MYRF: variants seen among roughly 807,000 people sequenced by gnomAD.
The protein encoded by MYRF is myelin gene regulatory factor.
A neutral mutation model predicts 126.3 loss-of-function variants in MYRF; 16 were observed. That is an observed-to-expected ratio of 0.13 (90% CI 0.09 to 0.19). The LOEUF (loss-of-function observed/expected upper bound fraction) is 0.19, where lower values mean the gene tolerates loss of function less well. Among genes scored for constraint, MYRF ranks in the 10% least tolerant of loss-of-function variants. MYRF has a pLI of 1.00. For synonymous variants in MYRF, 608 were observed against 635.3 expected (o/e 0.96, Z 0.65); for missense variants, 1,104 against 1,547.0 (o/e 0.71, Z 4.80).
At chr11:61,765,767 C>A (rs2066039101) in intron 2 of MYRF, 55 bp downstream of exon 2, 2 of 1,544,172 alleles carry the variant, frequency 1.3e-6, no homozygotes, top group East Asian at 2.4e-5. Context: ...CTTCGCCTCC[C>A]TTCTGTCACC....
chr11:61,785,714 C>T lies in MYRF; in HGVS notation c.3301-86C>T, dbSNP rs2066676463. ...TTTCCTTCATAAAACTCCCCACAGA[C>T]CCCAGGACTGCGACGGCCGTGGTGA... On this transcript the variant is annotated intron_variant, in intron 25 of 26. Transcript: ENST00000278836. The T allele has an allele frequency of 8.1e-6, 9 of 1,117,914 alleles. No individual in the cohort carries two copies. In the South Asian group the frequency reaches 1.0e-4, roughly 13 times the overall value. The allele number at this position is 1,117,914 out of a possible 1,614,324, so 69.2% of individuals were successfully genotyped here.
chr11:61,786,199 A>G lies in MYRF; in HGVS notation c.*56A>G. ...GACCAGGGGTGCCCAGGCACCCCCC[A>G]ACACTGGATGCAATGGTGTTACACT... On this transcript the variant is annotated 3_prime_UTR_variant, in exon 27 of 27. Transcript: ENST00000278836. This position sits in a 1 kb window ranked among gnomAD's most constrained non-coding sequence, Gnocchi z 4.5. 6.6e-7 allele frequency: 1 copy of G among 1,509,294 alleles called. No individual in the cohort carries two copies. Among genetic ancestry groups the G allele is most frequent in the East Asian group, 2.3e-5 (1 of 44,242 alleles). 93.5% of individuals were successfully genotyped at this position (1,509,294 alleles called of 1,614,324 possible).
chr11:61,777,535 G>T lies in MYRF; in HGVS notation c.1791+71G>T. The T allele has an allele frequency of 6.7e-7, 1 of 1,500,886 alleles. No individual in the cohort carries two copies. The highest frequency in any genetic ancestry group is 9.0e-7 in the Non-Finnish European group (1 of 1,109,392). 93.0% of individuals were successfully genotyped at this position (1,500,886 alleles called of 1,614,324 possible). On this transcript the variant is annotated intron_variant, in intron 12 of 26. Transcript: ENST00000278836. This position sits in a 1 kb window ranked among gnomAD's most constrained non-coding sequence, Gnocchi z 8.8. ...GGGCCGCGGGGGCGGGGCTCCTGGG[G>T]AGGGGGCGTGACTACGCGGAAAGGC...
chr11:61,781,506 C>T, intron 21 of MYRF, 67 bp from the exon 22 acceptor site: 1 of 1,571,656 alleles, frequency 6.4e-7, no homozygotes, highest in Non-Finnish European at 8.6e-7. Context: ...TTGTGGGGCC[C>T]TAGAGACAGC....
rs768893594 is a variant in MYRF at position 61,777,174 on chromosome 11, A to G, written c.1591-90A>G. The G allele has an allele frequency of 6.7e-6, 9 of 1,343,968 alleles. No individual in the cohort carries two copies. The highest frequency in any genetic ancestry group is 2.5e-5 in the South Asian group (2 of 79,370). The allele number at this position is 1,343,968 out of a possible 1,614,324, so 83.3% of individuals were successfully genotyped here. A position where few individuals can be genotyped will look rare whatever the true frequency, so the allele number is the denominator to read the frequency against. The stretch of plus-strand genomic sequence containing the variant: ...AGTGAGAAACCCTGGCTGGAAGGGG[A>G]GGGGCTGCTGTGGAGTTTCCCCCTG... On this transcript the variant is annotated intron_variant, in intron 11 of 26. Coordinates refer to ENST00000278836, the MANE Select transcript of MYRF (RefSeq NM_001127392.3). This position sits in a 1 kb window ranked among gnomAD's most constrained non-coding sequence, Gnocchi z 8.8.
At chr11:61,760,425 C>G (rs908536779) in intron 1 of MYRF, among the ~76,000 whole-genome samples, 6 of 152,086 alleles carry the variant, frequency 3.9e-5, no homozygotes, top group Non-Finnish European at 8.8e-5. Flanking sequence ...GGGAGGCAGT[C>G]GCAGAAGGCT....
Position 61,777,593 on chromosome 11 carries a change from G to A in MYRF, c.1791+129G>A. 7.4e-7 allele frequency: 1 copy of A among 1,355,754 alleles called. No homozygotes were observed. Among genetic ancestry groups the A allele is most frequent in the South Asian group, 1.4e-5 (1 of 73,004 alleles). 84.0% of individuals were successfully genotyped at this position (1,355,754 alleles called of 1,614,324 possible). ...CGGGGGAAGGAAGGGAGGGAGGCTG[G>A]CCTCGAATCCCGATCTAACCACTCC... On this transcript the variant is annotated intron_variant, in intron 12 of 26. Coordinates refer to ENST00000278836, the MANE Select transcript of MYRF (RefSeq NM_001127392.3). The surrounding 1 kb of genome is among the most constrained non-coding windows in gnomAD (Gnocchi z 8.8).
rs1227314924 is a variant in MYRF at position 61,779,266 on chromosome 11, C to T, written c.2017C>T (p.Arg673Cys). 6.5e-6 allele frequency: 10 copies of T among 1,541,410 alleles called. No individual in the cohort carries two copies. Among genetic ancestry groups the T allele is most frequent in the Non-Finnish European group, 7.9e-6 (9 of 1,146,440 alleles). Reference protein sequence around the residue: ...IENFLVVNKERIFMENVGAVK... With the variant: ...IENFLVVNKECIFMENVGAVK... ...CATGGCCCATGGCCCATGGCAGGAG[C>T]GCATCTTCATGGAGAACGTAGGGGC... The change falls in exon 15 of 27, where the codon CGC (arginine) becomes TGC (cysteine). Residue 673 changes from arginine (R) to cysteine (C), a missense_variant. Transcript: ENST00000278836.
At position 61,764,275 on chromosome 11, in the gene MYRF, G is replaced by A. The variant is rs547696466; in HGVS notation, c.47-1350G>A. 1.1e-3 allele frequency among the ~76,000 whole-genome samples: 169 copies of A among 152,304 alleles called. 1 individual carries two copies. Among genetic ancestry groups the A allele is most frequent in the African/African-American group, 3.7e-3 (153 of 41,562 alleles). On this transcript the variant is annotated intron_variant, in intron 1 of 26. Transcript: ENST00000278836. ...GGAGGGGCCTGGGCGGGGGGCTCCC[G>A]GGGACCCCAGGGCTCTGGGGCTGGG...
rs776858843 is a variant in MYRF at position 61,783,464 on chromosome 11, G to A, written c.3017-34G>A. The A allele has an allele frequency of 6.5e-7, 1 of 1,544,008 alleles. No individual in the cohort carries two copies. Among genetic ancestry groups the A allele is most frequent in the East Asian group, 2.3e-5 (1 of 44,354 alleles). On this transcript the variant is annotated intron_variant, in intron 22 of 26. Coordinates refer to ENST00000278836, the MANE Select transcript of MYRF (RefSeq NM_001127392.3). The surrounding 1 kb of genome is among the most constrained non-coding windows in gnomAD (Gnocchi z 4.6). ...AAAGACTTGCCAGCTTCTCATTTGTGTCCTGCCTTGTCACCTTACTCCTGC... is the reference window on the plus strand; with the variant it reads ...AAAGACTTGCCAGCTTCTCATTTGTATCCTGCCTTGTCACCTTACTCCTGC...
In MYRF at chr11:61,776,515, A is replaced by G. The variant is rs1417750043; in HGVS notation, c.1499+83A>G. 8.6e-7 allele frequency: 1 copy of G among 1,163,660 alleles called. No individual in the cohort carries two copies. The highest frequency in any genetic ancestry group is 2.0e-5 in the Admixed American group (1 of 48,822). The allele number at this position is 1,163,660 out of a possible 1,614,324, so 72.1% of individuals were successfully genotyped here. On this transcript the variant is annotated intron_variant, in intron 10 of 26. Transcript: ENST00000278836. This position sits in a 1 kb window ranked among gnomAD's most constrained non-coding sequence, Gnocchi z 4.3. Reference sequence around the variant, plus strand: ...GCCCTGGGTGGCACACCAGGCACAGAGTCCTACAGGCTGAGCCATTTCACA... The same window carrying G: ...GCCCTGGGTGGCACACCAGGCACAGGGTCCTACAGGCTGAGCCATTTCACA...
chr11:61,783,672 G>T lies in MYRF; in HGVS notation c.3119+72G>T. The T allele has an allele frequency of 6.8e-7, 1 of 1,475,710 alleles. No individual in the cohort carries two copies. Among genetic ancestry groups the T allele is most frequent in the Non-Finnish European group, 9.4e-7 (1 of 1,065,584 alleles). 91.4% of individuals were successfully genotyped at this position (1,475,710 alleles called of 1,614,324 possible). A position where few individuals can be genotyped will look rare whatever the true frequency, so the allele number is the denominator to read the frequency against. On this transcript the variant is annotated intron_variant, in intron 23 of 26. Coordinates refer to ENST00000278836, the MANE Select transcript of MYRF (RefSeq NM_001127392.3). The surrounding 1 kb of genome is among the most constrained non-coding windows in gnomAD (Gnocchi z 4.6). ...TGAGCCCAGGTGGTACAGATCACCC[G>T]GAACTTGCCCTTTCAGGGAGGAGCC... is the stretch of plus-strand genomic sequence containing the variant.
chr11:61,755,894 G>A (rs1016946286), intron 1 of MYRF, among the ~76,000 whole-genome samples: 9 of 152,190 alleles, frequency 5.9e-5, no homozygotes, highest in Admixed American at 1.3e-4. Flanking sequence ...GAGTTTAGTG[G>A]GCCTCTGCCC....
intron 16 of MYRF, 105 bp downstream of exon 16, chr11:61,779,675 C>A: frequency 8.1e-7 from 1 of 1,241,226 alleles, no homozygotes; most frequent in African/African-American, 1.5e-5. Flanking sequence ...GTGCTTCCCT[C>A]TCCTTGTGAC....
chr11:61,775,878 G>A (rs2066366517), intron 8 of MYRF, among the ~76,000 whole-genome samples, 178 bp from the exon 9 acceptor site: 2 of 151,848 alleles, frequency 1.3e-5, no homozygotes, highest in Admixed American at 1.3e-4. Context: ...GAAGTAGGGT[G>A]TGGGGGGGTG....
rs1253573812 is a variant in MYRF at position 61,781,710 on chromosome 11, G to C, written c.2902G>C (p.Gly968Arg). The C allele has an allele frequency of 1.1e-5, 17 of 1,613,456 alleles. No individual in the cohort carries two copies. Among genetic ancestry groups the C allele is most frequent in the Non-Finnish European group, 1.4e-5 (17 of 1,180,010 alleles). Residue 968 changes from glycine (G) to arginine (R), a missense_variant, in exon 22 of 27, where the codon GGG becomes CGG. Gly to Arg is a moderately radical substitution (Grantham distance 125). This residue lies in a region of MYRF where 323 missense variants were observed against 383.1 expected (regional missense o/e 0.84). Transcript: ENST00000278836. The stretch of plus-strand genomic sequence containing the variant: ...CAGCCCTGCAGTCCCCTTCCCTGGG[G>C]GGCAGGGCAAAGCCAAGAACAGTCC... ...LASPAVPFPG[G>R]QGKAKNSPSL...
chr11:61,770,445 G>A lies in MYRF; in HGVS notation c.660G>A (p.Gly220=), dbSNP rs758760448. The stretch of plus-strand genomic sequence containing the variant: ...CGATCCCCCACTACGCTGCCATGGG[G>A]CAGGGGCTGGTGCCCACTGATCTTC... ...EPPIPHYAAM[G]QGLVPTDLHH... Residue 220 remains glycine, a synonymous_variant, in exon 5 of 27, where the codon GGG becomes GGA. Coordinates refer to ENST00000278836, the MANE Select transcript of MYRF (RefSeq NM_001127392.3). The A allele has an allele frequency of 1.9e-6, 3 of 1,560,092 alleles. No homozygotes were observed. Among genetic ancestry groups the A allele is most frequent in the South Asian group, 2.4e-5 (2 of 84,634 alleles).
Position 61,783,280 on chromosome 11 carries a change from C to A in MYRF, c.3017-218C>A, listed in dbSNP as rs1421855920. 6 of 446,112 alleles carry A rather than the reference C, an allele frequency of 1.3e-5. No homozygotes were observed. Among genetic ancestry groups the A allele is most frequent in the African/African-American group, 1.2e-4 (6 of 50,998 alleles). The allele number at this position is 446,112 out of a possible 1,614,324, so 27.6% of individuals were successfully genotyped here. Reference sequence around the variant, plus strand: ...ATCCCTACTTCTGGGTGTTCCAGTTCTTTTGAGGAGGCAGACGTCAGGCTC... The same window carrying A: ...ATCCCTACTTCTGGGTGTTCCAGTTATTTTGAGGAGGCAGACGTCAGGCTC... On this transcript the variant is annotated intron_variant, in intron 22 of 26. Transcript: ENST00000278836. The surrounding 1 kb of genome is among the most constrained non-coding windows in gnomAD (Gnocchi z 4.6).
rs1162309498 is a variant in MYRF, at chr11:61,779,323, C to A, written c.2074C>A (p.Leu692Met). 6.4e-7 allele frequency: 1 copy of A among 1,550,768 alleles called. No individual in the cohort carries two copies. Among genetic ancestry groups the A allele is most frequent in the Non-Finnish European group, 8.7e-7 (1 of 1,146,918 alleles). Reference sequence around the variant, plus strand: ...GGAGCTGTGCAAGCTGACAGACAACCTGGAGACGCGCATTGATGAGCTGGA... The same window carrying A: ...GGAGCTGTGCAAGCTGACAGACAACATGGAGACGCGCATTGATGAGCTGGA... ...VKELCKLTDN[L>M]ETRIDELERW... Residue 692 changes from leucine (L) to methionine (M), a missense_variant, in exon 15 of 27, where the codon CTG becomes ATG. Transcript: ENST00000278836.
Sources: gnomAD v4.1 joint callset for allele counts (sites outside exome capture counted in the v4.1 genomes callset) on GRCh38, gnomAD v4.1.1 for gene constraint, gnomAD v4.1.1 regional missense constraint, Gnocchi (gnomAD v3.1) non-coding constraint, MANE v1.5 for transcripts, NCBI Gene and HGNC (gene_info 2026-07-23, HGNC 2026-07-21) for gene names.